The following GLB1L2 variants were observed in gnomAD, a reference collection of about 807,000 sequenced individuals.
GLB1L2 encodes galactosidase beta 1 like 2, also known as beta-galactosidase-1-like protein 2.
A neutral mutation model predicts 84.1 loss-of-function variants in GLB1L2; 68 were observed. The observed-to-expected ratio is 0.81, with a 90% CI of 0.67 to 0.99. GLB1L2 has a LOEUF of 0.99. Ranked by LOEUF, GLB1L2 falls within the 50% of genes least tolerant of loss-of-function variation. The pLI, the probability that GLB1L2 is intolerant of heterozygous loss-of-function variation, is 0.00. For missense variants in GLB1L2, 762 were observed against 805.6 expected (o/e 0.95, Z 0.66); for synonymous variants, 290 against 318.0 (o/e 0.91, Z 0.94).
intron 2 of GLB1L2, 79 bp from the exon 3 acceptor site, chr11:134,344,308 T>G: frequency 6.5e-7 from 1 of 1,527,984 alleles, no homozygotes; most frequent in Non-Finnish European, 9.1e-7. Flanking sequence ...TATTGGATTT[T>G]TGGGCTAAAG....
chr11:134,342,998 G>T (rs770143973), intron 2 of GLB1L2, 47 bp downstream of exon 2: 1 of 1,554,810 alleles, frequency 6.4e-7, no homozygotes, highest in South Asian at 1.2e-5. Flanking sequence ...TAAGCAGGGC[G>T]CCTGGTGTCT....
intron 5 of GLB1L2, among the ~76,000 whole-genome samples, chr11:134,350,967 A>G (rs1023543768): frequency 1.4e-4 from 22 of 152,178 alleles, no homozygotes; most frequent in African/African-American, 3.9e-4. Context: ...ATTTAAGATC[A>G]TGTTGTCTGT....
In GLB1L2 at chr11:134,347,334, C is replaced by G; in HGVS notation, c.459C>G (p.Leu153=). The G allele has an allele frequency of 6.2e-7, 1 of 1,613,802 alleles. No homozygotes were observed. The highest frequency in any genetic ancestry group is 8.5e-7 in the Non-Finnish European group (1 of 1,179,676). ...MDLGGLPSWL[L]QDPGMRLRTT... is the part of the protein sequence containing the mutation. ...CCGTTTACACTTCAAGCTGGCTACT[C>G]CAAGACCCTGGCATGAGGCTGAGGA... The change falls in exon 5 of 19, where the codon CTC becomes CTG. Residue 153 remains leucine (L), a synonymous_variant. Transcript: ENST00000535456.
At chr11:134,357,560 C>T (rs940503945) in intron 6 of GLB1L2, among the ~76,000 whole-genome samples, 3 of 152,266 alleles carry the variant, frequency 2.0e-5, no homozygotes, top group Admixed American at 1.3e-4. Flanking sequence ...TCTCTTGGCC[C>T]TGGGGCCTCT....
intron 7 of GLB1L2, among the ~76,000 whole-genome samples, chr11:134,361,879 C>T (rs900353880): frequency 1.3e-5 from 2 of 152,182 alleles, no homozygotes; most frequent in African/African-American, 4.8e-5. Context: ...ACAGGGGACT[C>T]CGGCTCCCGA....
chr11:134,369,808 A>G lies in GLB1L2; in HGVS notation c.1031A>G (p.Tyr344Cys), dbSNP rs746733140. Residue 344 changes from tyrosine to cysteine, a missense_variant, in exon 11 of 19, where the codon TAT (tyrosine) becomes TGT (cysteine). Tyr to Cys is a radical substitution (Grantham distance 194). Coordinates refer to ENST00000535456, the MANE Select transcript of GLB1L2 (RefSeq NM_001370461.1). ...GACAGGGCCCGGTGTCTTGCAGACTATGATGCTGTGCTGACAGAAGCCGGC... is the reference window on the plus strand; with the variant it reads ...GACAGGGCCCGGTGTCTTGCAGACTGTGATGCTGTGCTGACAGAAGCCGGC... ...DYKSDVTSYD[Y>C]DAVLTEAGDY... The G allele has an allele frequency of 4.3e-6, 7 of 1,612,404 alleles. No homozygotes were observed. The highest frequency in any genetic ancestry group is 2.7e-5 in the African/African-American group (2 of 74,910).
intron 1 of GLB1L2, among the ~76,000 whole-genome samples, chr11:134,333,536 G>A (rs1943335759): frequency 6.6e-6 from 1 of 152,330 alleles, no homozygotes; most frequent in Non-Finnish European, 1.5e-5. Flanking sequence ...TCCGTGCAGG[G>A]GACCCAGGCA....
chr11:134,361,924 C>T (rs1943797082), intron 7 of GLB1L2, among the ~76,000 whole-genome samples: 1 of 152,196 alleles, frequency 6.6e-6, no homozygotes, highest in Non-Finnish European at 1.5e-5. Context: ...TCGCCCCCGG[C>T]CAAGTTCCTC....
chr11:134,364,389 CA>C lies in GLB1L2; in HGVS notation c.797del (p.Asn266ThrfsTer10). 6.2e-7 allele frequency: 1 copy of C among 1,613,854 alleles called. No homozygotes were observed. Among genetic ancestry groups the C allele is most frequent in the Non-Finnish European group, 8.5e-7 (1 of 1,179,748 alleles). On this transcript the variant is annotated frameshift_variant, in exon 8 of 19. Transcript: ENST00000535456. LOFTEE classifies it high-confidence loss of function. ...TGCAGCTACTGACCACCTTTCTCTT[CA>C]ACGTCCAGGTAAGTCCAGCCCCAGG... ...ELQLLTTFLF[N>X]VQGTQPKMVM...
intron 6 of GLB1L2, 116 bp downstream of exon 6, chr11:134,356,509 G>A (rs983394252): frequency 7.4e-6 from 5 of 677,366 alleles, no homozygotes; most frequent in Non-Finnish European, 1.0e-5. Context: ...CCAACATCAT[G>A]TATTAGTGAA....
chr11:134,373,698 C>G (rs905218271), intron 15 of GLB1L2, 23 bp from the exon 16 acceptor site: 2 of 1,543,996 alleles, frequency 1.3e-6, no homozygotes, highest in South Asian at 2.3e-5. Flanking sequence ...GGGCTACCCA[C>G]GTGTCCTGCC....
At position 134,338,401 on chromosome 11, in the gene GLB1L2, G is replaced by A. The variant is rs1391870988; in HGVS notation, c.87-4353G>A. ...GATCTGGCTCACCTCCCACCCAGCCGCCCTGCAAGATCCCCTCTGAAACTT... is the reference window on the plus strand; with the variant it reads ...GATCTGGCTCACCTCCCACCCAGCCACCCTGCAAGATCCCCTCTGAAACTT... On this transcript the variant is annotated intron_variant, in intron 1 of 18. Transcript: ENST00000535456. The surrounding 1 kb of genome is among the most constrained non-coding windows in gnomAD (Gnocchi z 6.2). Among the ~76,000 whole-genome samples the A allele has an allele frequency of 7.2e-5, 11 of 152,210 alleles. No homozygotes were observed. Among genetic ancestry groups the A allele is most frequent in the East Asian group, 5.8e-4 (3 of 5,166 alleles).
intron 5 of GLB1L2, among the ~76,000 whole-genome samples, chr11:134,353,287 G>A (rs1163662344): frequency 6.6e-6 from 1 of 152,070 alleles, no homozygotes; most frequent in African/African-American, 2.4e-5. Context: ...ACGGGCACCT[G>A]TAATCCCAGC....
At chr11:134,346,106 C>T (rs1052099201) in intron 4 of GLB1L2, among the ~76,000 whole-genome samples, 7 of 152,162 alleles carry the variant, frequency 4.6e-5, no homozygotes, top group Admixed American at 6.5e-5. Context: ...GTCCCCAAGC[C>T]GTCTCCCCTC....
intron 4 of GLB1L2, among the ~76,000 whole-genome samples, chr11:134,345,627 C>T (rs1206083899): frequency 2.0e-5 from 3 of 152,098 alleles, no homozygotes; most frequent in Non-Finnish European, 2.9e-5. Context: ...TGTGCCACCA[C>T]GCGCAGCTAA....
chr11:134,371,618 G>C, intron 14 of GLB1L2, 126 bp downstream of exon 14: 1 of 1,046,208 alleles, frequency 9.6e-7, no homozygotes, highest in Non-Finnish European at 1.5e-6. Flanking sequence ...TGGAGAGGGC[G>C]AGTGTGGCTT....
In GLB1L2 at chr11:134,332,044, G is replaced by A. The variant is rs752238125; in HGVS notation, c.-18G>A. The A allele has an allele frequency of 1.3e-6, 2 of 1,535,986 alleles. No homozygotes were observed. Among genetic ancestry groups the A allele is most frequent in the African/African-American group, 2.8e-5 (2 of 71,174 alleles). On this transcript the variant is annotated 5_prime_UTR_variant, in exon 1 of 19. Transcript: ENST00000535456. ...GACTGGAGTGGGAACCCGGGTCCCC[G>A]CGCTTAGAGAACACGCGATGACCAC...
At chr11:134,371,581 C>T (rs934696076) in intron 14 of GLB1L2, 89 bp downstream of exon 14, 55 of 1,023,848 alleles carry the variant, frequency 5.4e-5, no homozygotes, top group Middle Eastern at 4.5e-4. Flanking sequence ...CTGGGAGACC[C>T]GTGGCTCCTT....
chr11:134,356,000 A>T (rs1355642906), intron 5 of GLB1L2: 1 of 536,558 alleles, frequency 1.9e-6, no homozygotes, highest in African/African-American at 1.9e-5. Context: ...ACATCATACA[A>T]TTTTGTACCA....
Sources: gnomAD v4.1 joint callset for allele counts (sites outside exome capture counted in the v4.1 genomes callset) on GRCh38, gnomAD v4.1.1 for gene constraint, Gnocchi (gnomAD v3.1) non-coding constraint, MANE v1.5 for transcripts, NCBI Gene and HGNC (gene_info 2026-07-23, HGNC 2026-07-21) for gene names.